The following URB2 variants were observed in gnomAD, a reference collection of about 807,000 sequenced individuals.
The protein encoded by URB2 is unhealthy ribosome biogenesis protein 2 homolog.
Under a neutral mutation model 120.9 loss-of-function variants are expected in URB2, and 86 were observed. The observed-to-expected ratio is 0.71, with a 90% confidence interval of 0.60 to 0.85. The LOEUF (loss-of-function observed/expected upper bound fraction) is 0.85, where lower values mean the gene tolerates loss of function less well. Ranked by LOEUF, URB2 falls within the 40% of genes least tolerant of loss-of-function variation. The probability of loss-of-function intolerance (pLI) is 0.00; values close to 1 mark genes in which losing one functional copy is unlikely to be tolerated. For missense variants in URB2, 1,765 were observed against 1,836.5 expected, an observed-to-expected ratio of 0.96 and a Z score of 0.71; for synonymous variants, 755 against 758.4, an observed-to-expected ratio of 1.00 and a Z score of 0.07.
chr1:229,636,652 A>C lies in URB2; in HGVS notation c.2039A>C (p.Gln680Pro). 1.2e-6 allele frequency: 2 copies of C among 1,614,266 alleles called. No individual in the cohort carries two copies. Among genetic ancestry groups the C allele is most frequent in the Non-Finnish European group, 1.7e-6 (2 of 1,180,058 alleles). Reference protein sequence around the residue: ...GTYCLEQLYLQKMKRTLMQTS... With the variant: ...GTYCLEQLYLPKMKRTLMQTS... ...TATTGCTTAGAACAGCTGTACCTGC[A>C]GAAAATGAAAAGGACTTTAATGCAA... The change falls in exon 4 of 10, where the codon CAG (glutamine) becomes CCG (proline). Residue 680 changes from glutamine to proline, a missense_variant. Transcript: ENST00000258243.
At chr1:229,633,440 C>T (rs1417900429) in intron 3 of URB2, among the ~76,000 whole-genome samples, 1 of 152,072 alleles carries the variant, frequency 6.6e-6, no homozygotes, top group Non-Finnish European at 1.5e-5. Context: ...AGCATATGTG[C>T]ATAATTTATA....
At chr1:229,649,520 C>T (rs1167282296) in intron 7 of URB2, among the ~76,000 whole-genome samples, 1 of 152,114 alleles carries the variant, frequency 6.6e-6, no homozygotes, top group Non-Finnish European at 1.5e-5. Flanking sequence ...GATCATTTAA[C>T]GAATGGAGAA....
chr1:229,626,659 A>G (rs546270785), intron 1 of URB2, among the ~76,000 whole-genome samples: 5 of 152,250 alleles, frequency 3.3e-5, no homozygotes, highest in East Asian at 1.9e-4. Flanking sequence ...TGGACTTCGC[A>G]TTGCCCGGTA....
At chr1:229,653,566 G>A (rs1021308994) in intron 8 of URB2, among the ~76,000 whole-genome samples, 1 of 152,156 alleles carries the variant, frequency 6.6e-6, no homozygotes, top group Non-Finnish European at 1.5e-5. Context: ...CAGGGAAGGT[G>A]CTCTGGTGTG....
rs2102793946 is a variant in URB2, at chr1:229,645,944, G to A, written c.3881G>A (p.Cys1294Tyr). Residue 1294 changes from cysteine (C) to tyrosine (Y), a missense_variant, in exon 6 of 10, where the codon TGT becomes TAT. Physicochemically the swap from Cys to Tyr is radical, Grantham distance 194. Coordinates refer to ENST00000258243, the MANE Select transcript of URB2 (RefSeq NM_014777.4). The part of the protein sequence containing the change: ...GEKASLLWRA[C>Y]PQIVTALTLL... ...AAAGCAAGTCTGTTGTGGCGTGCGT[G>A]TCCCCAGATAGTCACAGCTTTAACA... 1 of 1,614,178 alleles carries A rather than the reference G, an allele frequency of 6.2e-7. No individual in the cohort carries two copies. Among genetic ancestry groups the A allele is most frequent in the Non-Finnish European group, 8.5e-7 (1 of 1,180,026 alleles).
chr1:229,630,268 T>A (rs542304529), intron 2 of URB2, among the ~76,000 whole-genome samples: 1 of 152,358 alleles, frequency 6.6e-6, no homozygotes, highest in East Asian at 1.9e-4. Context: ...TTAGGAAATG[T>A]GTTTCTTAAA....
rs750601302 is a variant in URB2 at position 229,635,224 on chromosome 1, C to G, written c.611C>G (p.Pro204Arg). 1 of 1,614,096 alleles carries G rather than the reference C, an allele frequency of 6.2e-7. No individual in the cohort carries two copies. The highest frequency in any genetic ancestry group is 2.2e-5 in the East Asian group (1 of 44,898). ...GATGTGACTGCTCACCTGCTCCAGCCGTGCCTGGTCCTGAGGCACTTACTC... is the reference window on the plus strand; with the variant it reads ...GATGTGACTGCTCACCTGCTCCAGCGGTGCCTGGTCCTGAGGCACTTACTC... ...FGDVTAHLLQPCLVLRHLLSG... is the reference protein window; with the variant it reads ...FGDVTAHLLQRCLVLRHLLSG... The change falls in exon 4 of 10, where the codon CCG becomes CGG. Residue 204 changes from proline to arginine, a missense_variant. Pro to Arg is a moderately radical substitution (Grantham distance 103). Coordinates refer to ENST00000258243, the MANE Select transcript of URB2 (RefSeq NM_014777.4).
intron 8 of URB2, among the ~76,000 whole-genome samples, chr1:229,653,443 T>G (rs1666329989): frequency 6.6e-6 from 1 of 152,228 alleles, no homozygotes; most frequent in Non-Finnish European, 1.5e-5. Context: ...CTTTGCAGTT[T>G]TTTCTCCACT....
intron 7 of URB2, among the ~76,000 whole-genome samples, chr1:229,650,268 G>A (rs185898639): frequency 1.3e-5 from 2 of 152,198 alleles, no homozygotes; most frequent in East Asian, 3.9e-4. Flanking sequence ...CTTGAAATGT[G>A]GCCAGTATGA....
Position 229,636,375 on chromosome 1 carries a change from C to T in URB2, c.1762C>T (p.Pro588Ser), listed in dbSNP as rs1389354466. ...CGTGCAGCCCCTGCTGGCCCTTCTC[C>T]CGGACACCCCAGGCCCAGAGCCAGA... ...ELVQPLLALL[P>S]DTPGPEPELW... Residue 588 changes from proline to serine, a missense_variant, in exon 4 of 10, where the codon CCG becomes TCG. Coordinates refer to ENST00000258243, the MANE Select transcript of URB2 (RefSeq NM_014777.4). 1 of 1,614,210 alleles carries T rather than the reference C, an allele frequency of 6.2e-7. No individual in the cohort carries two copies. Among genetic ancestry groups the T allele is most frequent in the Non-Finnish European group, 8.5e-7 (1 of 1,180,026 alleles).
At chr1:229,656,512 G>C (rs191525603) in intron 9 of URB2, among the ~76,000 whole-genome samples, 102 of 152,300 alleles carry the variant, frequency 6.7e-4, no homozygotes, top group Non-Finnish European at 4.1e-4. Flanking sequence ...CTTTCATTTT[G>C]TTTTTAAATT....
chr1:229,635,864 T>G lies in URB2; in HGVS notation c.1251T>G (p.Ser417=), dbSNP rs1206370400. 1.9e-6 allele frequency: 3 copies of G among 1,614,098 alleles called. No homozygotes were observed. In the African/African-American group the frequency reaches 4.0e-5, roughly 22 times the overall value. ...TCCGCTGTCTGAAGACTTTGATATC[T>G]CTGAATCATTTGATTTTGGAGCCAG... ...AWFRCLKTLI[S]LNHLILEPDL... is the part of the protein sequence containing the mutation. Residue 417 remains serine (S), a synonymous_variant, in exon 4 of 10, where the codon TCT becomes TCG. Transcript: ENST00000258243.
At position 229,635,962 on chromosome 1, in the gene URB2, A is replaced by T. The variant is rs1052506937; in HGVS notation, c.1349A>T (p.Glu450Val). The T allele has an allele frequency of 2.5e-6, 4 of 1,614,106 alleles. No individual in the cohort carries two copies. In the African/African-American group the frequency reaches 4.0e-5, roughly 16 times the overall value. ...VTEFRTKKAQEALIRTVFQTY... is the reference protein window; with the variant it reads ...VTEFRTKKAQVALIRTVFQTY... ...GAGTTTCGAACCAAAAAAGCCCAGG[A>T]GGCGCTTATTCGTACTGTCTTCCAG... Residue 450 changes from glutamate (E) to valine (V), a missense_variant, in exon 4 of 10, where the codon GAG becomes GTG. Transcript: ENST00000258243.
intron 2 of URB2, among the ~76,000 whole-genome samples, chr1:229,631,508 T>A (rs192479523): frequency 1.0e-3 from 157 of 152,336 alleles, no homozygotes; most frequent in African/African-American, 3.6e-3. Context: ...TATTTTTAGC[T>A]TTGGATTTAA....
chr1:229,648,881 T>C (rs1279536603), intron 7 of URB2, among the ~76,000 whole-genome samples: 1 of 152,216 alleles, frequency 6.6e-6, no homozygotes, highest in Non-Finnish European at 1.5e-5. Context: ...GATCGTATAA[T>C]ACTTTCACAA....
chr1:229,651,202 T>C lies in URB2; in HGVS notation c.4150-33T>C, dbSNP rs766979615. On this transcript the variant is annotated intron_variant, in intron 7 of 9. Coordinates refer to ENST00000258243, the MANE Select transcript of URB2 (RefSeq NM_014777.4). ...GTAGAAAAACTTAAATAATCACGTA[T>C]GTACTTTTACATTCTGTTATCTGTC... The C allele has an allele frequency of 1.9e-6, 3 of 1,571,634 alleles. No individual in the cohort carries two copies. The South Asian group carries it at 3.6e-5, about 19-fold the overall frequency.
chr1:229,633,693 G>C (rs981131685), intron 3 of URB2, among the ~76,000 whole-genome samples: 3 of 152,152 alleles, frequency 2.0e-5, no homozygotes, highest in African/African-American at 7.2e-5. Context: ...ATAAGGCTGG[G>C]AGCAAGTAAC....
At chr1:229,639,706 CT>C (rs971504049) in intron 4 of URB2, among the ~76,000 whole-genome samples, 3 of 152,198 alleles carry the variant, frequency 2.0e-5, no homozygotes, top group Non-Finnish European at 2.9e-5. Flanking sequence ...TAGTTCACCC[CT>C]GTCCCCCCAC....
rs1420598186 is a variant in URB2 at position 229,643,562 on chromosome 1, G to T, written c.3664G>T (p.Asp1222Tyr). Residue 1222 changes from aspartate (D) to tyrosine (Y), a missense_variant, in exon 5 of 10, where the codon GAT becomes TAT. Asp to Tyr is a radical substitution (Grantham distance 160). Coordinates refer to ENST00000258243, the MANE Select transcript of URB2 (RefSeq NM_014777.4). ...DPEIPVQVTQDIEPHLGALFT... is the reference protein window; with the variant it reads ...DPEIPVQVTQYIEPHLGALFT... ...TGAAATTCCTGTTCAGGTCACTCAG[G>T]ATATTGAGCCTCATTTGGGAGCCTT... 1.2e-6 allele frequency: 2 copies of T among 1,614,086 alleles called. No individual in the cohort carries two copies. The highest frequency in any genetic ancestry group is 1.7e-6 in the Non-Finnish European group (2 of 1,180,046).
Sources: allele counts gnomAD v4.1 joint callset (sites outside exome capture counted in the v4.1 genomes callset), GRCh38; gene constraint gnomAD v4.1.1; transcripts MANE v1.5; gene names NCBI Gene and HGNC (gene_info 2026-07-23, HGNC 2026-07-21).